The following BLTP3A variants were observed in gnomAD, a reference collection of about 807,000 sequenced individuals.
BLTP3A encodes the protein bridge-like lipid transfer protein family member 3A, also known as ICBP90 binding protein 1.
chr6:34,836,116 C>A, the BLTP3A span: 9 of 1,589,800 alleles, frequency 5.7e-6, no homozygotes, highest in African/African-American at 1.3e-5. Context: ...AGGATCTTTT[C>A]AGGGTCTGGA....
the BLTP3A span, among the ~76,000 whole-genome samples, chr6:34,796,935 C>T: frequency 6.6e-6 from 1 of 152,158 alleles, no homozygotes; most frequent in Non-Finnish European, 1.5e-5. Flanking sequence ...GATCTCTTGA[C>T]CTGGTGATCC....
At chr6:34,858,647 C>T in the BLTP3A span, 41 of 1,614,092 alleles carry the variant, frequency 2.5e-5, no homozygotes, top group Admixed American at 6.0e-4. Flanking sequence ...CAGTCTGAGG[C>T]TCTTGCCCCT....
chr6:34,836,374 C>T, the BLTP3A span: 1 of 1,604,048 alleles, frequency 6.2e-7, no homozygotes, highest in South Asian at 1.1e-5. Flanking sequence ...TGAGCCTGGG[C>T]TGGGTGGTCC....
At chr6:34,806,834 A>G in the BLTP3A span, among the ~76,000 whole-genome samples, 6 of 152,052 alleles carry the variant, frequency 3.9e-5, no homozygotes, top group Admixed American at 3.9e-4. Context: ...TAATTTTTGT[A>G]CTTTTAGCAG....
chr6:34,828,172 G>C, the BLTP3A span, among the ~76,000 whole-genome samples: 1 of 151,858 alleles, frequency 6.6e-6, no homozygotes, highest in Non-Finnish European at 1.5e-5. Context: ...TGGAAAGCCG[G>C]GCGTATTACA....
the BLTP3A span, among the ~76,000 whole-genome samples, chr6:34,825,038 G>A: frequency 1.3e-5 from 2 of 152,086 alleles, no homozygotes; most frequent in East Asian, 3.8e-4. Context: ...TGGGTGATAG[G>A]CCTTTTAAAG....
At chr6:34,865,821 T>G in the BLTP3A span, among the ~76,000 whole-genome samples, 1 of 152,242 alleles carries the variant, frequency 6.6e-6, no homozygotes, top group Non-Finnish European at 1.5e-5. Context: ...TTGTTATTAT[T>G]TTTAACTTCT....
the BLTP3A span, among the ~76,000 whole-genome samples, chr6:34,820,473 A>G: frequency 1.2e-4 from 18 of 151,856 alleles, no homozygotes; most frequent in African/African-American, 4.1e-4. Flanking sequence ...GTTGTTGGTT[A>G]TCTTGGGGTT....
chr6:34,844,067 GCCTCCCAGGTTCACA>G, the BLTP3A span, among the ~76,000 whole-genome samples: 2 of 151,632 alleles, frequency 1.3e-5, no homozygotes, highest in African/African-American at 2.4e-5. Context: ...TGCAAGCTCC[GCCTCCCAGGTTCACA>G]CCATTCTCCT....
chr6:34,827,675 A>G, the BLTP3A span, among the ~76,000 whole-genome samples: 1 of 152,132 alleles, frequency 6.6e-6, no homozygotes. Context: ...CTTGTTTTCC[A>G]GGCTGGAGTG....
the BLTP3A span, chr6:34,871,781 G>A: frequency 6.2e-7 from 1 of 1,611,738 alleles, no homozygotes; most frequent in Non-Finnish European, 8.5e-7. Flanking sequence ...GGAGTTGGCA[G>A]CAGTTTGTCA....
At chr6:34,826,650 G>A in the BLTP3A span, among the ~76,000 whole-genome samples, 12 of 152,148 alleles carry the variant, frequency 7.9e-5, no homozygotes, top group Admixed American at 1.3e-4. Context: ...GAGCGACTGT[G>A]CCTGGCTTTA....
At chr6:34,805,401 T>C in the BLTP3A span, among the ~76,000 whole-genome samples, 2 of 152,010 alleles carry the variant, frequency 1.3e-5, no homozygotes. Context: ...GAGACAAGCC[T>C]GGCCAACATG....
the BLTP3A span, among the ~76,000 whole-genome samples, chr6:34,843,622 T>C: frequency 6.6e-6 from 1 of 152,354 alleles, no homozygotes; most frequent in Middle Eastern, 3.4e-3. Context: ...ACTCTTTTAG[T>C]TATTTTTAAA....
At chr6:34,792,216 G>T in the BLTP3A span, 1 of 1,530,702 alleles carries the variant, frequency 6.5e-7, no homozygotes, top group Non-Finnish European at 8.8e-7. Flanking sequence ...ACAGCTGCCG[G>T]CCCACCCGCC....
chr6:34,864,797 G>A, the BLTP3A span, among the ~76,000 whole-genome samples: 1 of 151,964 alleles, frequency 6.6e-6, no homozygotes, highest in Non-Finnish European at 1.5e-5. Context: ...GTAAAAACCT[G>A]TCTCTACTAA....
the BLTP3A span, among the ~76,000 whole-genome samples, chr6:34,829,813 C>CT: frequency 6.6e-6 from 1 of 151,334 alleles, no homozygotes; most frequent in African/African-American, 2.4e-5. Flanking sequence ...GCTACTTTTT[C>CT]TTTTTTTCAA....
At chr6:34,854,441 T>C in the BLTP3A span, among the ~76,000 whole-genome samples, 1 of 152,176 alleles carries the variant, frequency 6.6e-6, no homozygotes, top group South Asian at 2.1e-4. Context: ...TTAATTTAAC[T>C]TTTAACTTAA....
chr6:34,868,655 CG>C, the BLTP3A span, among the ~76,000 whole-genome samples: 1 of 146,994 alleles, frequency 6.8e-6, no homozygotes, highest in Non-Finnish European at 1.5e-5. Context: ...ACCGGGGAGG[CG>C]GAGGTTGCAG....
Sources: gnomAD v4.1 joint callset for allele counts (sites outside exome capture counted in the v4.1 genomes callset) on GRCh38, gnomAD v4.1.1 for gene constraint, MANE v1.5 for transcripts, NCBI Gene and HGNC (gene_info 2026-07-23, HGNC 2026-07-21) for gene names.